The following KIAA1217 variants were observed in gnomAD, a reference collection of about 807,000 sequenced individuals.
The protein encoded by KIAA1217 is KIAA1217, also known as sickle tail protein homolog.
In KIAA1217, 88 loss-of-function variants were observed where a neutral mutation model predicts 163.9. The observed-to-expected ratio is 0.54, with a 90% confidence interval of 0.45 to 0.64. The LOEUF (loss-of-function observed/expected upper bound fraction) is 0.64, where lower values mean the gene tolerates loss of function less well. Ranked by LOEUF, KIAA1217 falls within the 30% of genes least tolerant of loss-of-function variation. The pLI is 0.00. For missense variants in KIAA1217, 2,372 were observed against 2,475.0 expected, an observed-to-expected ratio of 0.96 and a Z score of 0.88; for synonymous variants, 903 against 923.1, an observed-to-expected ratio of 0.98 and a Z score of 0.39.
At chr10:23,836,389 A>G (rs990684297) in intron 1 of KIAA1217, among the ~76,000 whole-genome samples, 32 of 152,128 alleles carry the variant, frequency 2.1e-4, no homozygotes, top group African/African-American at 7.5e-4. Context: ...GAGAACACAC[A>G]CACAGAGAAG....
At chr10:24,328,259 A>G (rs564039462) in intron 2 of KIAA1217, among the ~76,000 whole-genome samples, 1 of 152,250 alleles carries the variant, frequency 6.6e-6, no homozygotes, top group East Asian at 1.9e-4. Context: ...AAATGTAACT[A>G]TGTGTGAGAA....
At chr10:23,850,055 C>G (rs1225004810) in intron 1 of KIAA1217, among the ~76,000 whole-genome samples, 1 of 152,084 alleles carries the variant, frequency 6.6e-6, no homozygotes, top group Admixed American at 6.6e-5. Flanking sequence ...ACAAATTGGA[C>G]TTTGGAAAAT....
chr10:24,039,555 G>A (rs1848539457), intron 2 of KIAA1217, among the ~76,000 whole-genome samples: 1 of 152,122 alleles, frequency 6.6e-6, no homozygotes, highest in Non-Finnish European at 1.5e-5. Context: ...ACTGTAGGCT[G>A]CTGTAAGTGT....
At chr10:24,513,108 C>A in intron 9 of KIAA1217, 151 bp from the exon 10 acceptor site, 2 of 717,008 alleles carry the variant, frequency 2.8e-6, no homozygotes, top group Non-Finnish European at 4.6e-6. Context: ...ACATTATGTA[C>A]AGTCTTTGCT....
intron 1 of KIAA1217, among the ~76,000 whole-genome samples, chr10:23,798,380 T>C (rs1229884167): frequency 6.6e-6 from 1 of 152,188 alleles, no homozygotes; most frequent in African/African-American, 2.4e-5. Context: ...CATGTATAGG[T>C]GTCACATTCT....
intron 1 of KIAA1217, among the ~76,000 whole-genome samples, chr10:23,714,787 T>A (rs1837469264): frequency 6.6e-6 from 1 of 152,068 alleles, no homozygotes; most frequent in African/African-American, 2.4e-5. Flanking sequence ...ATCCAGTTTG[T>A]CAATAGAGGG....
intron 4 of KIAA1217, among the ~76,000 whole-genome samples, chr10:24,433,862 A>G (rs1028664591): frequency 3.9e-5 from 6 of 152,118 alleles, no homozygotes; most frequent in Non-Finnish European, 5.9e-5. Flanking sequence ...TTCATTTCTT[A>G]AAGAGTTGTC....
intron 1 of KIAA1217, among the ~76,000 whole-genome samples, chr10:23,818,008 T>C (rs12259716): frequency 0.29 from 25,563 of 87,034 alleles, 3,585 homozygotes; most frequent in Middle Eastern, 0.37. Context: ...TATATATATA[T>C]ACACACATAT....
intron 16 of KIAA1217, among the ~76,000 whole-genome samples, chr10:24,535,556 C>T (rs954206841): frequency 5.9e-5 from 9 of 152,206 alleles, no homozygotes; most frequent in Admixed American, 4.6e-4. Context: ...GGGCAGATTG[C>T]TTGAGGTCAG....
chr10:23,952,842 CT>C (rs1267823746), intron 1 of KIAA1217, among the ~76,000 whole-genome samples: 2 of 152,168 alleles, frequency 1.3e-5, no homozygotes, highest in Non-Finnish European at 2.9e-5. Flanking sequence ...TTCATTTCAG[CT>C]TTCTTATTAT....
At chr10:24,101,771 T>C (rs577542170) in intron 2 of KIAA1217, among the ~76,000 whole-genome samples, 1 of 152,330 alleles carries the variant, frequency 6.6e-6, no homozygotes, top group East Asian at 1.9e-4. Context: ...TCTTGTGCTT[T>C]TCATTGTGTT....
At chr10:23,911,540 C>T (rs1037603942) in intron 1 of KIAA1217, among the ~76,000 whole-genome samples, 5 of 152,162 alleles carry the variant, frequency 3.3e-5, no homozygotes, top group Non-Finnish European at 7.4e-5. Context: ...GTGTTGATAG[C>T]ATTTTTGTTT....
chr10:23,960,912 T>C (rs934535593), intron 1 of KIAA1217, among the ~76,000 whole-genome samples: 3 of 152,198 alleles, frequency 2.0e-5, no homozygotes, highest in Non-Finnish European at 4.4e-5. Context: ...AAAAGAGATA[T>C]ATTGCTAGCC....
At chr10:24,113,414 AC>A in intron 2 of KIAA1217, among the ~76,000 whole-genome samples, 1 of 152,280 alleles carries the variant, frequency 6.6e-6, no homozygotes, top group Non-Finnish European at 1.5e-5. Flanking sequence ...TGCCACCTCA[AC>A]AACACCAAAT....
chr10:24,498,867 A>G (rs1438585612), intron 8 of KIAA1217, among the ~76,000 whole-genome samples: 2 of 152,244 alleles, frequency 1.3e-5, no homozygotes, highest in Non-Finnish European at 2.9e-5. Flanking sequence ...TCAGCATTCA[A>G]CTGTAACAAC....
At chr10:24,382,932 C>T (rs1023198309) in intron 3 of KIAA1217, among the ~76,000 whole-genome samples, 2 of 149,780 alleles carry the variant, frequency 1.3e-5, no homozygotes, top group East Asian at 2.0e-4. Context: ...ACTACAGCCT[C>T]GACTTCCCAC....
chr10:23,794,038 A>G (rs1836085375), intron 1 of KIAA1217, among the ~76,000 whole-genome samples: 1 of 152,194 alleles, frequency 6.6e-6, no homozygotes, highest in African/African-American at 2.4e-5. Flanking sequence ...TTCATTTTTA[A>G]AAATATCCTT....
rs79404012 is a variant in KIAA1217 at position 24,287,773 on chromosome 10, G to T, written c.354+67864G>T. ...TCTGCTGTCTATCAAATTCATTACC[G>T]CTTTCTGGGACCCATGAACTGCCTT... On this transcript the variant is annotated intron_variant, in intron 2 of 20. Coordinates refer to ENST00000376454, the MANE Select transcript of KIAA1217 (RefSeq NM_019590.5). Among the ~76,000 whole-genome samples the T allele has an allele frequency of 9.5e-3, 1,445 of 152,252 alleles. 29 individuals are homozygous for T. Among genetic ancestry groups the T allele is most frequent in the East Asian group, 0.084 (436 of 5,186 alleles).
chr10:24,327,398 C>G (rs1258753895), intron 2 of KIAA1217, among the ~76,000 whole-genome samples: 4 of 152,182 alleles, frequency 2.6e-5, no homozygotes, highest in African/African-American at 9.6e-5. Context: ...ATGTAAAGTC[C>G]CCTATAAGTA....
Sources: allele counts gnomAD v4.1 joint callset (sites outside exome capture counted in the v4.1 genomes callset), GRCh38; gene constraint gnomAD v4.1.1; transcripts MANE v1.5; gene names NCBI Gene and HGNC (gene_info 2026-07-23, HGNC 2026-07-21).